The following NCAM1 variants were observed in gnomAD, a reference collection of about 807,000 sequenced individuals.
NCAM1 encodes the protein antigen recognized by monoclonal antibody 5.1H11.
In NCAM1, 14 loss-of-function variants were observed where a neutral mutation model predicts 109.8. That is an observed-to-expected ratio of 0.13 (90% confidence interval 0.08 to 0.20). NCAM1 has a LOEUF of 0.20. Ranked by LOEUF, NCAM1 falls within the 10% of genes least tolerant of loss-of-function variation. NCAM1 has a pLI of 1.00. For synonymous variants in NCAM1, 418 were observed against 442.9 expected (o/e 0.94, Z 0.70); for missense variants, 774 against 1,109.9 (o/e 0.70, Z 4.30).
intron 9 of NCAM1, among the ~76,000 whole-genome samples, chr11:113,222,994 T>G (rs1345778446): frequency 6.6e-6 from 1 of 152,202 alleles, no homozygotes. Flanking sequence ...CCAGTTTCAT[T>G]TTGTAAGTTC....
chr11:113,207,446 T>C, intron 6 of NCAM1, 68 bp downstream of exon 6: 1 of 1,268,824 alleles, frequency 7.9e-7, no homozygotes, highest in African/African-American at 1.5e-5. Flanking sequence ...GTCTGCTCCA[T>C]GTTAGTGTCT....
Position 113,277,742 on chromosome 11 carries a change from T to C in NCAM1, c.*2355T>C. The C allele has an allele frequency of 4.1e-6, 1 of 243,570 alleles. No individual in the cohort carries two copies. Among genetic ancestry groups the C allele is most frequent in the Non-Finnish European group, 7.8e-6 (1 of 128,122 alleles). The allele number at this position is 243,570 out of a possible 1,614,324, so 15.1% of individuals were successfully genotyped here. A position where few individuals can be genotyped will look rare whatever the true frequency, so the allele number is the denominator to read the frequency against. ...ACCTGGCCCGGGACAGCTGACCCCC[T>C]AGAACCCTGGCTCTGCCATTAGCTA... is the stretch of plus-strand genomic sequence containing the variant. On this transcript the variant is annotated 3_prime_UTR_variant, in exon 20 of 20. Coordinates refer to ENST00000316851, the MANE Select transcript of NCAM1 (RefSeq NM_181351.5).
At chr11:112,983,861 C>T (rs1281964930) in intron 1 of NCAM1, among the ~76,000 whole-genome samples, 4 of 151,906 alleles carry the variant, frequency 2.6e-5, no homozygotes, top group Non-Finnish European at 5.9e-5. Flanking sequence ...TTCATCATCT[C>T]ACATGGTCAC....
chr11:112,990,611 C>A (rs915918519), intron 1 of NCAM1, among the ~76,000 whole-genome samples: 1 of 152,162 alleles, frequency 6.6e-6, no homozygotes, highest in Non-Finnish European at 1.5e-5. Context: ...GAAGCCAAGT[C>A]TCTTGGCCAT....
chr11:113,013,178 G>T (rs1232327617), intron 1 of NCAM1, among the ~76,000 whole-genome samples: 1 of 151,698 alleles, frequency 6.6e-6, no homozygotes, highest in Non-Finnish European at 1.5e-5. Context: ...TGTAATACCA[G>T]CACTTTGGGA....
chr11:113,051,145 T>TTGTG (rs1555081744), intron 1 of NCAM1, among the ~76,000 whole-genome samples: 1 of 152,186 alleles, frequency 6.6e-6, no homozygotes, highest in Non-Finnish European at 1.5e-5. Context: ...TTGTGGTACT[T>TTGTG]GTCAAATATT....
At chr11:113,235,564 A>G (rs868922071) in intron 14 of NCAM1, among the ~76,000 whole-genome samples, 1 of 152,238 alleles carries the variant, frequency 6.6e-6, no homozygotes, top group Non-Finnish European at 1.5e-5. Flanking sequence ...AGATGGTGAC[A>G]GTTCACATAA....
chr11:113,261,688 G>T (rs1240932276), intron 17 of NCAM1, among the ~76,000 whole-genome samples: 1 of 152,176 alleles, frequency 6.6e-6, no homozygotes, highest in Non-Finnish European at 1.5e-5. Context: ...ACAATCGACA[G>T]CTTGGAGTGA....
intron 1 of NCAM1, among the ~76,000 whole-genome samples, chr11:113,005,315 A>T (rs1951865354): frequency 6.6e-6 from 1 of 152,188 alleles, no homozygotes; most frequent in Non-Finnish European, 1.5e-5. Flanking sequence ...CAGAGACCCT[A>T]TGTGGATGGC....
intron 1 of NCAM1, among the ~76,000 whole-genome samples, chr11:112,973,302 G>A (rs1319879960): frequency 6.6e-6 from 1 of 152,082 alleles, no homozygotes. Context: ...CCAGTCACCA[G>A]TTAAGCTGCA....
At chr11:113,090,754 A>G (rs1939306981) in intron 1 of NCAM1, among the ~76,000 whole-genome samples, 1 of 152,270 alleles carries the variant, frequency 6.6e-6, no homozygotes, top group Admixed American at 6.5e-5. Context: ...AATTATCCCA[A>G]AAACATGTCT....
At chr11:113,134,721 A>G (rs891735634) in intron 1 of NCAM1, among the ~76,000 whole-genome samples, 1 of 152,100 alleles carries the variant, frequency 6.6e-6, no homozygotes, top group Admixed American at 6.6e-5. Flanking sequence ...TGCAGTCCCC[A>G]TCACCCTCAC....
chr11:113,012,519 T>G (rs547118780), intron 1 of NCAM1, among the ~76,000 whole-genome samples: 9 of 152,190 alleles, frequency 5.9e-5, no homozygotes, highest in Non-Finnish European at 1.2e-4. Flanking sequence ...TTATAGCATC[T>G]GGGGCCAGCA....
intron 1 of NCAM1, chr11:113,130,710 A>G (rs1031987577): frequency 2.0e-5 from 3 of 152,206 alleles, no homozygotes; most frequent in African/African-American, 7.2e-5. Flanking sequence ...GATAAATCAT[A>G]AGTCCTGGCT....
At chr11:113,225,629 G>C (rs1944821103) in intron 9 of NCAM1, among the ~76,000 whole-genome samples, 1 of 142,568 alleles carries the variant, frequency 7.0e-6, no homozygotes, top group South Asian at 2.1e-4. Context: ...ACACTTAATT[G>C]TCAGATTCAC....
At chr11:113,086,980 G>A (rs1372935717) in intron 1 of NCAM1, among the ~76,000 whole-genome samples, 1 of 152,100 alleles carries the variant, frequency 6.6e-6, no homozygotes, top group East Asian at 1.9e-4. Flanking sequence ...AACAATGCAA[G>A]GTAAGTAAAT....
At chr11:113,129,437 ACT>A (rs1941308362) in intron 1 of NCAM1, among the ~76,000 whole-genome samples, 2 of 151,774 alleles carry the variant, frequency 1.3e-5, no homozygotes, top group South Asian at 4.2e-4. Context: ...TTTCCTAGGG[ACT>A]CTATAGACAA....
intron 1 of NCAM1, among the ~76,000 whole-genome samples, chr11:113,040,208 T>A (rs780572190): frequency 6.6e-6 from 1 of 152,188 alleles, no homozygotes; most frequent in Non-Finnish European, 1.5e-5. Context: ...TTTTTGCTGT[T>A]GTTTTACTGA....
At chr11:113,008,270 T>C (rs1469621623) in intron 1 of NCAM1, among the ~76,000 whole-genome samples, 2 of 152,208 alleles carry the variant, frequency 1.3e-5, no homozygotes, top group African/African-American at 4.8e-5. Flanking sequence ...ACTCCAATAC[T>C]GGCTTTCAGA....
Sources: gnomAD v4.1 joint callset for allele counts (sites outside exome capture counted in the v4.1 genomes callset) on GRCh38, gnomAD v4.1.1 for gene constraint, MANE v1.5 for transcripts, NCBI Gene and HGNC (gene_info 2026-07-23, HGNC 2026-07-21) for gene names.